The following KIAA0825 variants were observed in gnomAD, a reference collection of about 807,000 sequenced individuals.
KIAA0825 encodes uncharacterized protein KIAA0825.
KIAA0825 carries 119 observed loss-of-function variants against 147.6 expected under a neutral mutation model. That is an observed-to-expected ratio of 0.81 (90% CI 0.69 to 0.94). The LOEUF (loss-of-function observed/expected upper bound fraction) is 0.94. KIAA0825 is among the 40% of genes least tolerant of loss of function. KIAA0825 has a pLI of 0.00. For missense variants in KIAA0825, 1,381 were observed against 1,472.7 expected, an observed-to-expected ratio of 0.94 and a Z score of 1.02; for synonymous variants, 470 against 518.1, an observed-to-expected ratio of 0.91 and a Z score of 1.26.
At chr5:94,521,026 T>A (rs1184661220) in intron 4 of KIAA0825, 109 bp from the exon 5 acceptor site, 1 of 945,778 alleles carries the variant, frequency 1.1e-6, no homozygotes, top group East Asian at 2.7e-5. Context: ...TACTCTAAAA[T>A]TCCTTAAGAT....
At chr5:94,553,132 G>A (rs1584869595) in intron 2 of KIAA0825, among the ~76,000 whole-genome samples, 1 of 152,096 alleles carries the variant, frequency 6.6e-6, no homozygotes, top group Non-Finnish European at 1.5e-5. Flanking sequence ...CATGTACAAC[G>A]ATTGTCAATA....
At chr5:94,361,620 C>T (rs945258342) in intron 20 of KIAA0825, among the ~76,000 whole-genome samples, 1 of 152,108 alleles carries the variant, frequency 6.6e-6, no homozygotes, top group African/African-American at 2.4e-5. Context: ...GCATTAAAAT[C>T]ACACATATAA....
intron 14 of KIAA0825, among the ~76,000 whole-genome samples, chr5:94,421,824 C>T (rs1417600164): frequency 1.3e-5 from 2 of 152,134 alleles, no homozygotes; most frequent in African/African-American, 4.8e-5. Context: ...AGACCTCATT[C>T]ATCATCTAAT....
intron 5 of KIAA0825, among the ~76,000 whole-genome samples, chr5:94,518,794 AC>A (rs1767653526): frequency 6.6e-6 from 1 of 152,140 alleles, no homozygotes; most frequent in African/African-American, 2.4e-5. Flanking sequence ...GGACACACAT[AC>A]TTTTCTCTCA....
intron 11 of KIAA0825, among the ~76,000 whole-genome samples, chr5:94,463,014 A>G (rs1199679198): frequency 6.6e-6 from 1 of 151,930 alleles, no homozygotes. Context: ...AAAAGTTACA[A>G]GATTGGTAGC....
intron 14 of KIAA0825, among the ~76,000 whole-genome samples, chr5:94,436,580 C>T (rs1756401158): frequency 6.6e-6 from 1 of 152,042 alleles, no homozygotes; most frequent in Non-Finnish European, 1.5e-5. Flanking sequence ...GTTCTTTTTG[C>T]TTAGGATTGC....
chr5:94,203,959 C>T (rs144615756), intron 20 of KIAA0825, among the ~76,000 whole-genome samples: 1,539 of 152,162 alleles, frequency 0.01, 21 homozygotes, highest in African/African-American at 0.035. Context: ...ATTATAGCTA[C>T]GCAAACAGAA....
intron 14 of KIAA0825, among the ~76,000 whole-genome samples, chr5:94,429,225 G>A (rs1361579810): frequency 6.6e-6 from 1 of 152,160 alleles, no homozygotes; most frequent in Non-Finnish European, 1.5e-5. Context: ...CATTGCTGGA[G>A]AGCTAGTGCA....
At position 94,610,439 on chromosome 5, in the gene KIAA0825, AAG is replaced by A. The variant is rs1179631935; in HGVS notation, c.-153+8059_-153+8060del. Reference sequence around the variant, plus strand: ...GCAAGACTGTCTCAAAAAAAAAAAAAAGAAAAAGAAAAAGAAAAGAAAAAAGA... The same window carrying A: ...GCAAGACTGTCTCAAAAAAAAAAAAAAAAAAGAAAAAGAAAAGAAAAAAGA... On this transcript the variant is annotated intron_variant, in intron 1 of 20. Coordinates refer to ENST00000682413, the MANE Select transcript of KIAA0825 (RefSeq NM_001145678.3). Among the ~76,000 whole-genome samples the A allele has an allele frequency of 4.6e-3, 682 of 148,368 alleles. 7 individuals are homozygous for A. The highest frequency in any genetic ancestry group is 0.016 in the African/African-American group (650 of 39,944).
At chr5:94,484,414 A>G (rs1192911517) in intron 6 of KIAA0825, among the ~76,000 whole-genome samples, 1 of 151,740 alleles carries the variant, frequency 6.6e-6, no homozygotes, top group East Asian at 1.9e-4. Context: ...TGTTCTGCTC[A>G]AGATCATCTG....
intron 10 of KIAA0825, among the ~76,000 whole-genome samples, chr5:94,469,029 T>C (rs1760892396): frequency 6.6e-6 from 1 of 152,104 alleles, no homozygotes; most frequent in Non-Finnish European, 1.5e-5. Context: ...GAGATTTAGG[T>C]GAAGGGAAAC....
rs896323069 is a variant in KIAA0825, at chr5:94,618,485, A to G, written c.-153+15T>C. The G allele has an allele frequency of 2.6e-5, 4 of 152,946 alleles. No individual in the cohort carries two copies. Among genetic ancestry groups the G allele is most frequent in the African/African-American group, 9.6e-5 (4 of 41,472 alleles). 9.5% of individuals were successfully genotyped at this position (152,946 alleles called of 1,614,324 possible). On this transcript the variant is annotated intron_variant, in intron 1 of 20. Coordinates refer to ENST00000682413, the MANE Select transcript of KIAA0825 (RefSeq NM_001145678.3). ...TAATATCAGGCGCAGGAGAAAACCC[A>G]GTAAAATCACTTACCAGTCTTCCAC... is the stretch of plus-strand genomic sequence containing the variant.
At chr5:94,547,893 C>G (rs1774771379) in intron 2 of KIAA0825, among the ~76,000 whole-genome samples, 1 of 151,744 alleles carries the variant, frequency 6.6e-6, no homozygotes, top group South Asian at 2.1e-4. Context: ...ACAAAAAAAC[C>G]TTTTACCCTA....
chr5:94,520,808 G>A lies in KIAA0825; in HGVS notation c.410C>T (p.Ser137Phe), dbSNP rs1238212334. 6.2e-7 allele frequency: 1 copy of A among 1,613,266 alleles called. No individual in the cohort carries two copies. The highest frequency in any genetic ancestry group is 1.1e-5 in the South Asian group (1 of 91,056). ...VSFPSTLSGT[S>F]FHFLSRTSLH... is the part of the protein sequence containing the mutation. ...AGACGTCCTAGAGAGGAAATGGAAA[G>A]ATGTTCCACTTAGGGTTGATGGGAA... Residue 137 changes from serine (S) to phenylalanine (F), a missense_variant, in exon 5 of 21, where the codon TCT (serine) becomes TTT (phenylalanine). Coordinates refer to ENST00000682413, the MANE Select transcript of KIAA0825 (RefSeq NM_001145678.3).
chr5:94,244,980 T>A (rs1344841054), intron 20 of KIAA0825, among the ~76,000 whole-genome samples: 1 of 152,210 alleles, frequency 6.6e-6, no homozygotes, highest in Non-Finnish European at 1.5e-5. Flanking sequence ...CACAACTAAG[T>A]GCTTTGCTAT....
intron 20 of KIAA0825, among the ~76,000 whole-genome samples, chr5:94,203,474 C>T (rs939725932): frequency 6.6e-6 from 1 of 152,128 alleles, no homozygotes; most frequent in Admixed American, 6.5e-5. Context: ...ATAGCCCTCA[C>T]TGTGAATGAT....
At chr5:94,281,235 ACACACAC>A (rs1777452764) in intron 20 of KIAA0825, among the ~76,000 whole-genome samples, 1 of 136,048 alleles carries the variant, frequency 7.4e-6, no homozygotes, top group Non-Finnish European at 1.6e-5. Context: ...ACACACACAC[ACACACAC>A]ACTTGCCATA....
In KIAA0825 at chr5:94,482,026, C is replaced by T. The variant is rs143633782; in HGVS notation, c.1132+2743G>A. ...ACGGCCACTCCATAAGATATCATCA[C>T]CTAATACAGTAAGGCACCACAACAG... On this transcript the variant is annotated intron_variant, in intron 6 of 20. Transcript: ENST00000682413. Among the ~76,000 whole-genome samples the T allele has an allele frequency of 7.5e-3, 1,147 of 152,138 alleles. 8 individuals are homozygous for T. The highest frequency in any genetic ancestry group is 0.017 in the Middle Eastern group (5 of 294).
Position 94,199,856 on chromosome 5 carries a change from A to C in KIAA0825, c.3711-45732T>G, listed in dbSNP as rs569351336. Among the ~76,000 whole-genome samples the C allele has an allele frequency of 1.7e-4, 26 of 152,256 alleles. 1 individual carries two copies. The South Asian group carries it at 5.4e-3, about 32-fold the overall frequency. On this transcript the variant is annotated intron_variant, in intron 20 of 20. Coordinates refer to ENST00000682413, the MANE Select transcript of KIAA0825 (RefSeq NM_001145678.3). ...ATGGGAGGGCGACAGCTATCAGCTAAAGAATTGTGGTGGTGGCCACTGGAA... is the reference window on the plus strand; with the variant it reads ...ATGGGAGGGCGACAGCTATCAGCTACAGAATTGTGGTGGTGGCCACTGGAA...
Sources: allele counts gnomAD v4.1 joint callset (sites outside exome capture counted in the v4.1 genomes callset), GRCh38; gene constraint gnomAD v4.1.1; transcripts MANE v1.5; gene names NCBI Gene and HGNC (gene_info 2026-07-23, HGNC 2026-07-21).